AGMO: variants seen among roughly 807,000 people sequenced by gnomAD.
AGMO encodes the protein alkylglycerol monooxygenase.
A neutral mutation model predicts 60.2 loss-of-function variants in AGMO; 75 were observed. The observed-to-expected ratio is 1.25, with a 90% CI of 1.03 to 1.51. The LOEUF (loss-of-function observed/expected upper bound fraction) is 1.51, where lower values mean the gene tolerates loss of function less well. Among genes scored for constraint, AGMO ranks in the 40% most tolerant of loss-of-function variants. AGMO has a pLI of 0.00. For missense variants in AGMO, 763 were observed against 525.5 expected (o/e 1.45, Z -4.42); for synonymous variants, 261 against 177.1 (o/e 1.47, Z -3.76).
At chr7:15,520,993 TA>T (rs1198330720) in intron 3 of AGMO, among the ~76,000 whole-genome samples, 8 of 151,558 alleles carry the variant, frequency 5.3e-5, no homozygotes, top group South Asian at 2.1e-4. Flanking sequence ...ACAGACACAA[TA>T]AAAAAATGAT....
chr7:15,294,951 TAAATA>T (rs1253294280), intron 12 of AGMO, among the ~76,000 whole-genome samples: 1 of 135,690 alleles, frequency 7.4e-6, no homozygotes, highest in Non-Finnish European at 1.7e-5. Context: ...AAATAATGCC[TAAATA>T]AAATAATAAT....
chr7:15,164,255 G>C, the AGMO span, among the ~76,000 whole-genome samples: 7 of 151,908 alleles, frequency 4.6e-5, no homozygotes, highest in Non-Finnish European at 8.8e-5. Context: ...AGATGGGGTG[G>C]AGACTTAAAT....
intron 3 of AGMO, among the ~76,000 whole-genome samples, chr7:15,521,070 C>T (rs2128535513): frequency 6.6e-6 from 1 of 152,286 alleles, no homozygotes; most frequent in South Asian, 2.1e-4. Context: ...ACAAACACCT[C>T]TATGCAAATA....
At chr7:15,497,476 A>C in intron 3 of AGMO, among the ~76,000 whole-genome samples, 2 of 152,042 alleles carry the variant, frequency 1.3e-5, no homozygotes, top group Admixed American at 1.3e-4. Context: ...GGAGGTACAA[A>C]CATCATCAAG....
the AGMO span, among the ~76,000 whole-genome samples, chr7:15,191,555 G>C: frequency 6.6e-6 from 1 of 152,146 alleles, no homozygotes; most frequent in Non-Finnish European, 1.5e-5. Context: ...ACTTTTGTCA[G>C]ATATTTTTTA....
intron 12 of AGMO, 134 bp downstream of exon 12, chr7:15,365,380 T>TAAAGAAAAAAAAAAAAAAAAAA: frequency 4.8e-6 from 1 of 210,468 alleles, no homozygotes; most frequent in Admixed American, 7.8e-5. Context: ...TACTGGTAAG[T>TAAAGAAAAAAAAAAAAAAAAAA]AAAAAAAAAA....
rs1340265251 is a variant in AGMO, at chr7:15,297,304, A to G, written c.1263+68210T>C. 1.3e-5 allele frequency among the ~76,000 whole-genome samples: 2 copies of G among 152,214 alleles called. 1 individual carries two copies. The highest frequency in any genetic ancestry group is 4.8e-5 in the African/African-American group (2 of 41,460). On this transcript the variant is annotated intron_variant, in intron 12 of 12. Coordinates refer to ENST00000342526, the MANE Select transcript of AGMO (RefSeq NM_001004320.2). Reference sequence around the variant, plus strand: ...AGTGAAAATGGAAAATAATTTTAATACTTCTAAAGGACAAGAGTACATAAA... The same window carrying G: ...AGTGAAAATGGAAAATAATTTTAATGCTTCTAAAGGACAAGAGTACATAAA...
chr7:15,495,168 T>A (rs1266024883), intron 3 of AGMO, among the ~76,000 whole-genome samples: 1 of 152,216 alleles, frequency 6.6e-6, no homozygotes, highest in African/African-American at 2.4e-5. Flanking sequence ...GTTTGCTTTA[T>A]AACGTTTTGC....
At chr7:15,286,136 A>G (rs1465224213) in intron 12 of AGMO, among the ~76,000 whole-genome samples, 1 of 152,058 alleles carries the variant, frequency 6.6e-6, no homozygotes, top group Non-Finnish European at 1.5e-5. Context: ...AAAATAGCCT[A>G]GAAAAAAGCT....
rs74718313 is a variant in AGMO at position 15,340,226 on chromosome 7, G to A, written c.1263+25288C>T. Among the ~76,000 whole-genome samples the A allele has an allele frequency of 0.015, 2,243 of 152,192 alleles. 162 individuals carry two copies. In the East Asian group the frequency reaches 0.24, roughly 17 times the overall value. On this transcript the variant is annotated intron_variant, in intron 12 of 12. Coordinates refer to ENST00000342526, the MANE Select transcript of AGMO (RefSeq NM_001004320.2). ...CTTGGAAAGGCTGAATAAATTGCAC[G>A]TTACACACCTGCAGTTTGACTGTGA... is the stretch of plus-strand genomic sequence containing the variant.
chr7:15,299,879 AC>A (rs879820422), intron 12 of AGMO, among the ~76,000 whole-genome samples: 7,203 of 126,814 alleles, frequency 0.057, 477 homozygotes, highest in Admixed American at 0.11. Context: ...ACACACACAC[AC>A]ACACACAGTA....
intron 3 of AGMO, among the ~76,000 whole-genome samples, chr7:15,524,957 A>G (rs1784085753): frequency 6.6e-6 from 1 of 152,040 alleles, no homozygotes; most frequent in Non-Finnish European, 1.5e-5. Flanking sequence ...TGTAAAATTT[A>G]TAATACTGGT....
chr7:15,346,503 TGATA>T (rs1249937721), intron 12 of AGMO, among the ~76,000 whole-genome samples: 2 of 151,998 alleles, frequency 1.3e-5, no homozygotes, highest in East Asian at 1.9e-4. Flanking sequence ...TGTTTTTAAT[TGATA>T]TTTATTTTCA....
intron 5 of AGMO, among the ~76,000 whole-genome samples, chr7:15,416,356 A>G (rs1001025612): frequency 1.3e-5 from 2 of 152,126 alleles, no homozygotes; most frequent in African/African-American, 4.8e-5. Flanking sequence ...ATTTATCAAA[A>G]TAACTCAAAA....
chr7:15,304,175 TCCC>T (rs1192783967), intron 12 of AGMO, among the ~76,000 whole-genome samples: 1 of 152,096 alleles, frequency 6.6e-6, no homozygotes, highest in African/African-American at 2.4e-5. Flanking sequence ...GCTGGAAAAT[TCCC>T]CCATTACAAT....
intron 12 of AGMO, among the ~76,000 whole-genome samples, chr7:15,297,996 A>G (rs1433675933): frequency 2.0e-5 from 3 of 152,190 alleles, no homozygotes; most frequent in African/African-American, 4.8e-5. Context: ...TCTAAAGGCA[A>G]TACTTTAATT....
chr7:15,547,320 T>C (rs1583673451), intron 2 of AGMO, among the ~76,000 whole-genome samples: 1 of 152,110 alleles, frequency 6.6e-6, no homozygotes, highest in Admixed American at 6.5e-5. Flanking sequence ...GGAGCCAAGA[T>C]GGCCAAATAG....
Position 15,401,980 on chromosome 7 carries a change from C to T in AGMO, c.610-7801G>A, listed in dbSNP as rs114701941. Among the ~76,000 whole-genome samples the T allele has an allele frequency of 2.5e-3, 380 of 152,110 alleles. 1 individual carries two copies. Among genetic ancestry groups the T allele is most frequent in the African/African-American group, 8.3e-3 (346 of 41,506 alleles). ...GCGTCATGCATGAATGATGTTCCAGCGGAGCCCAGACCACTGTGGGTCTCC... is the reference window on the plus strand; with the variant it reads ...GCGTCATGCATGAATGATGTTCCAGTGGAGCCCAGACCACTGTGGGTCTCC... On this transcript the variant is annotated intron_variant, in intron 5 of 12. Transcript: ENST00000342526.
At chr7:15,182,998 G>C in the AGMO span, among the ~76,000 whole-genome samples, 1 of 151,792 alleles carries the variant, frequency 6.6e-6, no homozygotes, top group Admixed American at 6.6e-5. Flanking sequence ...ACACCAACAG[G>C]GGATATCCAC....
Sources: gnomAD v4.1 joint callset for allele counts (sites outside exome capture counted in the v4.1 genomes callset) on GRCh38, gnomAD v4.1.1 for gene constraint, MANE v1.5 for transcripts, NCBI Gene and HGNC (gene_info 2026-07-23, HGNC 2026-07-21) for gene names.